Variants in ITGA9 observed in about 807,000 individuals in gnomAD.
ITGA9 encodes integrin alpha-9.
Under a neutral mutation model 127.8 loss-of-function variants are expected in ITGA9, and 56 were observed. The ratio of observed to expected loss-of-function variants is 0.44; its 90% CI spans 0.35 to 0.55. The LOEUF is 0.55. ITGA9 is among the 20% of genes least tolerant of loss of function. ITGA9 has a pLI of 0.00. For missense variants in ITGA9, 1,196 were observed against 1,347.1 expected (o/e 0.89, Z 1.76); for synonymous variants, 508 against 514.5 (o/e 0.99, Z 0.17).
chr3:37,732,705 CT>C lies in ITGA9; in HGVS notation c.2068-4del. On this transcript the variant is annotated splice_polypyrimidine_tract_variant and splice_region_variant and intron_variant, in intron 18 of 27. Coordinates refer to ENST00000264741, the MANE Select transcript of ITGA9 (RefSeq NM_002207.3). ...GCCGGCCCATCTGTTGGTGCTTTTT[CT>C]TTCAGGAGGAGATGGGCATCTCCTG... The C allele has an allele frequency of 6.2e-7, 1 of 1,603,766 alleles. No homozygotes were observed. Among genetic ancestry groups the C allele is most frequent in the Non-Finnish European group, 8.5e-7 (1 of 1,175,764 alleles).
chr3:37,776,222 A>G (rs1465807158), intron 23 of ITGA9, among the ~76,000 whole-genome samples: 4 of 152,200 alleles, frequency 2.6e-5, no homozygotes, highest in African/African-American at 9.7e-5. Flanking sequence ...AGAAAAAATA[A>G]CTATTGGGTA....
chr3:37,811,842 C>T (rs147967297), intron 27 of ITGA9, among the ~76,000 whole-genome samples: 2 of 152,336 alleles, frequency 1.3e-5, no homozygotes, highest in African/African-American at 4.8e-5. Flanking sequence ...GTTTGCCAGC[C>T]CTCTGAAAAG....
At chr3:37,783,373 G>C (rs959937503) in intron 25 of ITGA9, among the ~76,000 whole-genome samples, 1 of 152,050 alleles carries the variant, frequency 6.6e-6, no homozygotes, top group African/African-American at 2.4e-5. Flanking sequence ...ACAGGATCTT[G>C]CTCTGTCACC....
intron 26 of ITGA9, 81 bp downstream of exon 26, chr3:37,785,159 G>A: frequency 1.0e-6 from 1 of 988,180 alleles, no homozygotes; most frequent in Non-Finnish European, 1.6e-6. Context: ...TGGAATTTGA[G>A]GGTCAAGACA....
At chr3:37,792,630 A>G (rs1358317400) in intron 26 of ITGA9, among the ~76,000 whole-genome samples, 1 of 152,214 alleles carries the variant, frequency 6.6e-6, no homozygotes, top group Non-Finnish European at 1.5e-5. Context: ...CATGCCAGGT[A>G]ACACCACTGG....
At chr3:37,497,329 CT>C (rs11306669) in intron 5 of ITGA9, among the ~76,000 whole-genome samples, 84,255 of 146,028 alleles carry the variant, frequency 0.58, 24,284 homozygotes, top group East Asian at 0.83. Flanking sequence ...ATCTATCAGT[CT>C]TTTTTTTTTT....
intron 14 of ITGA9, among the ~76,000 whole-genome samples, chr3:37,536,551 T>C (rs1028939005): frequency 6.6e-6 from 1 of 152,258 alleles, no homozygotes; most frequent in African/African-American, 2.4e-5. Flanking sequence ...CTTGTGCCTT[T>C]GGTTTCTTCT....
intron 21 of ITGA9, among the ~76,000 whole-genome samples, chr3:37,743,471 A>G (rs1696462497): frequency 6.6e-6 from 1 of 152,238 alleles, no homozygotes; most frequent in East Asian, 1.9e-4. Flanking sequence ...ACTTCTAGTC[A>G]TCTTGGCAGT....
intron 13 of ITGA9, among the ~76,000 whole-genome samples, chr3:37,527,146 C>T (rs1699101720): frequency 6.6e-6 from 1 of 152,200 alleles, no homozygotes; most frequent in Non-Finnish European, 1.5e-5. Context: ...AATACAGATG[C>T]TCCTTGACTT....
chr3:37,552,835 T>A (rs371079954), intron 15 of ITGA9, among the ~76,000 whole-genome samples: 1 of 152,068 alleles, frequency 6.6e-6, no homozygotes, highest in East Asian at 1.9e-4. Flanking sequence ...GCCAACATGG[T>A]GAAACCCCGT....
At chr3:37,721,599 A>C (rs1456009954) in intron 18 of ITGA9, among the ~76,000 whole-genome samples, 1 of 152,194 alleles carries the variant, frequency 6.6e-6, no homozygotes, top group Non-Finnish European at 1.5e-5. Flanking sequence ...AATTTCAAGG[A>C]AGCAACTGGC....
chr3:37,541,075 C>T, intron 14 of ITGA9, among the ~76,000 whole-genome samples: 1 of 152,240 alleles, frequency 6.6e-6, no homozygotes, highest in East Asian at 1.9e-4. Context: ...TCACCTTCCT[C>T]TCTGCCTGTT....
chr3:37,530,752 T>C (rs1699142892), intron 13 of ITGA9, among the ~76,000 whole-genome samples: 1 of 43,212 alleles, frequency 2.3e-5, no homozygotes. Context: ...TTTTTTTTTT[T>C]TTTTTTTTTT....
chr3:37,509,481 T>C (rs1354031371), intron 8 of ITGA9, among the ~76,000 whole-genome samples: 1 of 152,048 alleles, frequency 6.6e-6, no homozygotes, highest in Non-Finnish European at 1.5e-5. Flanking sequence ...AAGCATAGGA[T>C]GTCTGGGACA....
chr3:37,693,801 G>A (rs1198043694), intron 18 of ITGA9, among the ~76,000 whole-genome samples: 1 of 152,166 alleles, frequency 6.6e-6, no homozygotes, highest in Non-Finnish European at 1.5e-5. Flanking sequence ...CCTCAGTGCT[G>A]GGACAGATTA....
At position 37,819,104 on chromosome 3, in the gene ITGA9, G is replaced by A. The variant is rs1201423380; in HGVS notation, c.*115G>A. 8.6e-6 allele frequency: 7 copies of A among 811,634 alleles called. No homozygotes were observed. Among genetic ancestry groups the A allele is most frequent in the Middle Eastern group, 2.6e-4 (1 of 3,832 alleles). The allele number at this position is 811,634 out of a possible 1,614,324, so 50.3% of individuals were successfully genotyped here. A position where few individuals can be genotyped will look rare whatever the true frequency, so the allele number is the denominator to read the frequency against. On this transcript the variant is annotated 3_prime_UTR_variant, in exon 28 of 28. Transcript: ENST00000264741. ...ATTTTTCGGAGGCCCCACTGATGCT[G>A]TTCTCTTCTTCATTCTATCAAGCCC...
chr3:37,668,982 G>A (rs1700611343), intron 17 of ITGA9, among the ~76,000 whole-genome samples: 1 of 152,072 alleles, frequency 6.6e-6, no homozygotes, highest in Admixed American at 6.5e-5. Flanking sequence ...TTCCCTGACT[G>A]CATTCCAGAG....
intron 15 of ITGA9, among the ~76,000 whole-genome samples, chr3:37,608,992 G>A (rs1690172548): frequency 6.6e-6 from 1 of 152,120 alleles, no homozygotes; most frequent in Admixed American, 6.6e-5. Context: ...TAAAGTATGG[G>A]TCAACATCCC....
intron 2 of ITGA9, among the ~76,000 whole-genome samples, chr3:37,472,556 C>T (rs184511761): frequency 5.3e-5 from 8 of 151,942 alleles, no homozygotes; most frequent in South Asian, 2.1e-4. Context: ...TGACCATCTT[C>T]GGCTAATTTT....
Sources: allele counts gnomAD v4.1 joint callset (sites outside exome capture counted in the v4.1 genomes callset), GRCh38; gene constraint gnomAD v4.1.1; transcripts MANE v1.5; gene names NCBI Gene and HGNC (gene_info 2026-07-23, HGNC 2026-07-21).